SLC20A2: variants seen among roughly 807,000 people sequenced by gnomAD.
SLC20A2 encodes solute carrier family 20 member 2, also known as sodium-dependent phosphate transporter 2.
In SLC20A2, 30 loss-of-function variants were observed where a neutral mutation model predicts 61.0. The observed-to-expected ratio is 0.49, with a 90% CI of 0.37 to 0.67. SLC20A2 has a LOEUF of 0.67. Among genes scored for constraint, SLC20A2 ranks in the 30% least tolerant of loss-of-function variants. SLC20A2 has a pLI of 0.00. For missense variants in SLC20A2, 626 were observed against 866.4 expected (o/e 0.72, Z 3.48); for synonymous variants, 351 against 353.3 (o/e 0.99, Z 0.07).
intron 10 of SLC20A2, among the ~76,000 whole-genome samples, chr8:42,426,155 G>GTA (rs768561649): frequency 1.8e-4 from 27 of 152,156 alleles, no homozygotes; most frequent in Admixed American, 3.3e-4. Flanking sequence ...CATCATTATA[G>GTA]TATATATATC....
At chr8:42,494,264 G>C (rs1156481124) in intron 1 of SLC20A2, among the ~76,000 whole-genome samples, 1 of 152,178 alleles carries the variant, frequency 6.6e-6, no homozygotes, top group Non-Finnish European at 1.5e-5. Context: ...TGGTGTACTA[G>C]CTTTATCAGT....
intron 1 of SLC20A2, among the ~76,000 whole-genome samples, chr8:42,489,440 C>A (rs539423956): frequency 2.0e-5 from 3 of 150,746 alleles, no homozygotes; most frequent in East Asian, 2.0e-4. Flanking sequence ...GCCCCCCCCA[C>A]CCCGCCCCAT....
intron 8 of SLC20A2, among the ~76,000 whole-genome samples, chr8:42,435,323 AGAC>A (rs913732823): frequency 4.6e-5 from 7 of 152,268 alleles, no homozygotes; most frequent in African/African-American, 1.7e-4. Context: ...CTGCGACAGA[AGAC>A]GACAACGGCA....
rs118108470 is a variant in SLC20A2, at chr8:42,479,217, C to T, written c.-264-6563G>A. On this transcript the variant is annotated intron_variant, in intron 1 of 10. Transcript: ENST00000520262. ...AACCCATTCGTTAGTATTAAGTTTACGCAAATATAAACATTTCAGGTGAAA... is the reference window on the plus strand; with the variant it reads ...AACCCATTCGTTAGTATTAAGTTTATGCAAATATAAACATTTCAGGTGAAA... 4.7e-3 allele frequency among the ~76,000 whole-genome samples: 709 copies of T among 152,264 alleles called. 6 individuals carry two copies. Among genetic ancestry groups the T allele is most frequent in the Middle Eastern group, 0.014 (4 of 294 alleles).
intron 1 of SLC20A2, among the ~76,000 whole-genome samples, chr8:42,491,597 G>A (rs374547261): frequency 6.6e-6 from 1 of 151,860 alleles, no homozygotes; most frequent in African/African-American, 2.4e-5. Flanking sequence ...CTTGAACGTG[G>A]AAGGCAGAGG....
intron 5 of SLC20A2, among the ~76,000 whole-genome samples, chr8:42,450,168 C>A (rs1473959790): frequency 1.3e-5 from 2 of 150,802 alleles, no homozygotes; most frequent in Non-Finnish European, 2.9e-5. Context: ...CTAATTTGCT[C>A]TATAAGTAAA....
intron 1 of SLC20A2, among the ~76,000 whole-genome samples, chr8:42,488,487 C>G (rs1045588381): frequency 2.0e-5 from 3 of 152,090 alleles, no homozygotes; most frequent in Non-Finnish European, 4.4e-5. Flanking sequence ...TGCACCTGGC[C>G]ATAACACTGC....
chr8:42,481,217 T>G (rs952443060), intron 1 of SLC20A2, among the ~76,000 whole-genome samples: 12 of 152,174 alleles, frequency 7.9e-5, no homozygotes, highest in African/African-American at 2.9e-4. Context: ...CATAGAACAT[T>G]AGGGTCTGAA....
chr8:42,464,753 G>T (rs1438732228), intron 3 of SLC20A2, among the ~76,000 whole-genome samples: 3 of 152,080 alleles, frequency 2.0e-5, no homozygotes, highest in Non-Finnish European at 2.9e-5. Context: ...CAGGTGGATT[G>T]ACTGAGCTCA....
upstream of SLC20A2, among the ~76,000 whole-genome samples, chr8:42,501,933 A>G (rs1396177526): frequency 1.3e-5 from 2 of 152,230 alleles, no homozygotes; most frequent in Admixed American, 6.5e-5. Context: ...GCTGACACTT[A>G]AAAGAAAATC....
At chr8:42,537,006 CA>C (rs1159662257) in intron 1 of SLC20A2, among the ~76,000 whole-genome samples, 2 of 151,306 alleles carry the variant, frequency 1.3e-5, no homozygotes, top group African/African-American at 4.9e-5. Context: ...ATCCGGGAGG[CA>C]GGGGCTGCAG....
In SLC20A2 at chr8:42,437,393, C is replaced by T. The variant is rs1397416627; in HGVS notation, c.1119G>A (p.Gln373=). The T allele has an allele frequency of 6.2e-7, 1 of 1,614,152 alleles. No individual in the cohort carries two copies. Among genetic ancestry groups the T allele is most frequent in the Admixed American group, 1.7e-5 (1 of 60,020 alleles). ...IDRGPEEKPA[Q]ESNYRLLRRN... ...GGCGCAGCAGCCGGTAGTTGCTTTC[C>T]TGGGCTGGCTTCTCCTCGGGGCCCC... The change falls in exon 8 of 11, where the codon CAG becomes CAA. Residue 373 remains glutamine (Q), a synonymous_variant. Transcript: ENST00000520262. The surrounding 1 kb of genome is among the most constrained non-coding windows in gnomAD (Gnocchi z 6.4).
intron 6 of SLC20A2, among the ~76,000 whole-genome samples, chr8:42,442,202 G>C (rs1804843719): frequency 6.6e-6 from 1 of 152,110 alleles, no homozygotes; most frequent in Admixed American, 6.5e-5. Flanking sequence ...TAAAGTTCTG[G>C]GATTACAGGC....
intron 6 of SLC20A2, among the ~76,000 whole-genome samples, chr8:42,442,671 T>C (rs1804872883): frequency 6.6e-6 from 1 of 152,242 alleles, no homozygotes; most frequent in Admixed American, 6.5e-5. Context: ...CCAGCTCATC[T>C]AGTTTCTTTG....
intron 1 of SLC20A2, among the ~76,000 whole-genome samples, chr8:42,497,133 C>T (rs139245702): frequency 6.2e-4 from 95 of 152,274 alleles, no homozygotes; most frequent in Non-Finnish European, 1.2e-3. Flanking sequence ...CTCTAAGTGA[C>T]AAAAGGAAAT....
intron 2 of SLC20A2, among the ~76,000 whole-genome samples, chr8:42,469,134 A>G (rs1807425592): frequency 6.6e-6 from 1 of 152,100 alleles, no homozygotes; most frequent in Admixed American, 6.5e-5. Context: ...AGAAGAAAAA[A>G]GGACTGTTGG....
chr8:42,435,999 C>T, intron 8 of SLC20A2, among the ~76,000 whole-genome samples: 1 of 152,082 alleles, frequency 6.6e-6, no homozygotes, highest in East Asian at 1.9e-4. Context: ...CCTGTAATCC[C>T]AGCGGCTTGG....
intron 1 of SLC20A2, among the ~76,000 whole-genome samples, chr8:42,540,087 T>A (rs1586307663): frequency 6.6e-6 from 1 of 152,024 alleles, no homozygotes; most frequent in Admixed American, 6.6e-5. Context: ...AGGTCTGGAG[T>A]TCGAGACCAG....
At chr8:42,524,806 TAAATAAAAATAAAAATA>T (rs1413675033) in intron 1 of SLC20A2, among the ~76,000 whole-genome samples, 2 of 150,488 alleles carry the variant, frequency 1.3e-5, no homozygotes, top group Middle Eastern at 3.4e-3. Context: ...AATAAATAAA[TAAATAAAAATAAAAATA>T]AAATATACCC....
Sources: gnomAD v4.1 joint callset for allele counts (sites outside exome capture counted in the v4.1 genomes callset) on GRCh38, gnomAD v4.1.1 for gene constraint, Gnocchi (gnomAD v3.1) non-coding constraint, MANE v1.5 for transcripts, NCBI Gene and HGNC (gene_info 2026-07-23, HGNC 2026-07-21) for gene names.